Variants in CSNK1G3 observed in about 807,000 individuals in gnomAD.
CSNK1G3 encodes casein kinase I isoform gamma-3.
Under a neutral mutation model 64.3 loss-of-function variants are expected in CSNK1G3, and 23 were observed. That is an observed-to-expected ratio of 0.36 (90% confidence interval 0.26 to 0.51). The LOEUF (loss-of-function observed/expected upper bound fraction) is 0.51, where lower values mean the gene tolerates loss of function less well. CSNK1G3 is among the 20% of genes least tolerant of loss of function. The probability of loss-of-function intolerance (pLI) is 0.96; values close to 1 mark genes in which losing one functional copy is unlikely to be tolerated. For missense variants in CSNK1G3, 357 were observed against 510.5 expected (o/e 0.70, Z 2.90); for synonymous variants, 158 against 162.2 (o/e 0.97, Z 0.20).
chr5:123,593,732 T>C (rs1267042933), intron 10 of CSNK1G3, among the ~76,000 whole-genome samples: 1 of 152,086 alleles, frequency 6.6e-6, no homozygotes, highest in Non-Finnish European at 1.5e-5. Flanking sequence ...AGAACTGTCA[T>C]AGTTTTGATG....
intron 1 of CSNK1G3, among the ~76,000 whole-genome samples, chr5:123,517,634 GTGT>G (rs1374021544): frequency 5.3e-5 from 8 of 152,098 alleles, no homozygotes; most frequent in African/African-American, 1.9e-4. Flanking sequence ...GAAATCACAG[GTGT>G]TGTTTTATGG....
chr5:123,582,023 G>A (rs961631496), intron 6 of CSNK1G3, among the ~76,000 whole-genome samples: 1 of 151,914 alleles, frequency 6.6e-6, no homozygotes, highest in Admixed American at 6.6e-5. Flanking sequence ...AAATGCAGTA[G>A]TAAGTTTATT....
chr5:123,562,970 T>A (rs1171709282), intron 4 of CSNK1G3, among the ~76,000 whole-genome samples: 6 of 152,030 alleles, frequency 3.9e-5, no homozygotes, highest in Non-Finnish European at 4.4e-5. Context: ...ATATTTGAAA[T>A]TTATGGGAAA....
intron 1 of CSNK1G3, among the ~76,000 whole-genome samples, chr5:123,539,537 T>C (rs1253732640): frequency 1.3e-5 from 2 of 152,158 alleles, no homozygotes; most frequent in African/African-American, 4.8e-5. Flanking sequence ...ACATTTCTAG[T>C]ATTAAACTCT....
intron 1 of CSNK1G3, among the ~76,000 whole-genome samples, chr5:123,532,286 A>G (rs997833084): frequency 6.6e-6 from 1 of 151,822 alleles, no homozygotes; most frequent in Non-Finnish European, 1.5e-5. Flanking sequence ...TATTTCTAAG[A>G]TCATTTTACT....
chr5:123,525,955 A>T (rs1580890428), intron 1 of CSNK1G3, among the ~76,000 whole-genome samples: 1 of 150,540 alleles, frequency 6.6e-6, no homozygotes, highest in South Asian at 2.1e-4. Flanking sequence ...CCAAGATCGC[A>T]CCACTGCACT....
chr5:123,565,313 G>T (rs1786643058), intron 4 of CSNK1G3, among the ~76,000 whole-genome samples: 1 of 152,118 alleles, frequency 6.6e-6, no homozygotes, highest in South Asian at 2.1e-4. Context: ...TCCTGCAAGG[G>T]TCTCACGGAC....
chr5:123,601,409 C>T (rs1794477527), intron 10 of CSNK1G3, among the ~76,000 whole-genome samples: 1 of 152,132 alleles, frequency 6.6e-6, no homozygotes, highest in South Asian at 2.1e-4. Context: ...CACAGTGATT[C>T]TATTCTGAAC....
intron 1 of CSNK1G3, among the ~76,000 whole-genome samples, chr5:123,527,127 T>C (rs1298644074): frequency 1.3e-5 from 2 of 152,158 alleles, no homozygotes; most frequent in African/African-American, 2.4e-5. Context: ...GACAGTAATA[T>C]CCTGAATGTG....
intron 1 of CSNK1G3, among the ~76,000 whole-genome samples, chr5:123,530,048 C>T (rs190459970): frequency 4.0e-5 from 6 of 151,286 alleles, no homozygotes; most frequent in African/African-American, 1.5e-4. Flanking sequence ...GTTCGGGCCA[C>T]TGCACTCCAG....
intron 4 of CSNK1G3, among the ~76,000 whole-genome samples, chr5:123,565,825 T>C (rs1259329425): frequency 6.6e-6 from 1 of 151,972 alleles, no homozygotes; most frequent in Non-Finnish European, 1.5e-5. Context: ...CAACACACTT[T>C]TAAACCAAAT....
intron 1 of CSNK1G3, among the ~76,000 whole-genome samples, chr5:123,522,634 A>T (rs1778325563): frequency 6.6e-6 from 1 of 152,168 alleles, no homozygotes; most frequent in Non-Finnish European, 1.5e-5. Flanking sequence ...GTAATACCTA[A>T]TACAATGTAA....
intron 10 of CSNK1G3, among the ~76,000 whole-genome samples, chr5:123,603,118 C>T (rs148626052): frequency 6.6e-6 from 1 of 152,074 alleles, no homozygotes; most frequent in Non-Finnish European, 1.5e-5. Context: ...AGGCACCGAG[C>T]AAAGTGTCCT....
chr5:123,515,677 A>G (rs2149887437), intron 1 of CSNK1G3, among the ~76,000 whole-genome samples: 1 of 152,320 alleles, frequency 6.6e-6, no homozygotes. Flanking sequence ...ATGCAAGTAA[A>G]ATCATGTTAC....
At chr5:123,594,591 T>C (rs1263391861) in intron 10 of CSNK1G3, among the ~76,000 whole-genome samples, 1 of 152,172 alleles carries the variant, frequency 6.6e-6, no homozygotes, top group Admixed American at 6.5e-5. Context: ...GTACAGTTAT[T>C]TAAGGGCCAT....
At chr5:123,593,121 G>T (rs28589296) in intron 10 of CSNK1G3, among the ~76,000 whole-genome samples, 90,835 of 151,140 alleles carry the variant, frequency 0.6, 28,480 homozygotes, top group African/African-American at 0.78. Flanking sequence ...GCTAACTAGA[G>T]TATAAGCTCA....
intron 1 of CSNK1G3, among the ~76,000 whole-genome samples, chr5:123,512,915 G>C (rs1382761766): frequency 6.6e-6 from 1 of 152,084 alleles, no homozygotes; most frequent in Non-Finnish European, 1.5e-5. Context: ...TGGGCCGGCG[G>C]GGGCTTCCTT....
At chr5:123,609,546 C>T (rs1795953841) in intron 12 of CSNK1G3, among the ~76,000 whole-genome samples, 1 of 152,016 alleles carries the variant, frequency 6.6e-6, no homozygotes, top group Non-Finnish European at 1.5e-5. Context: ...AATTTATTTC[C>T]TCAAGAGATC....
intron 4 of CSNK1G3, among the ~76,000 whole-genome samples, chr5:123,560,976 A>G (rs536388367): frequency 6.6e-6 from 1 of 152,304 alleles, no homozygotes; most frequent in South Asian, 2.1e-4. Context: ...GACAAATTCT[A>G]TGTGTATTTT....
Sources: gnomAD v4.1 joint callset for allele counts (sites outside exome capture counted in the v4.1 genomes callset) on GRCh38, gnomAD v4.1.1 for gene constraint, MANE v1.5 for transcripts, NCBI Gene and HGNC (gene_info 2026-07-23, HGNC 2026-07-21) for gene names.